Variants in DNAH5 observed in about 807,000 individuals in gnomAD.
The protein encoded by DNAH5 is dynein axonemal heavy chain 5, also known as axonemal beta dynein heavy chain 5.
In DNAH5, 372 loss-of-function variants were observed where a neutral mutation model predicts 518.2. The ratio of observed to expected loss-of-function variants is 0.72; its 90% confidence interval spans 0.66 to 0.78. The LOEUF is 0.78. Ranked by LOEUF, DNAH5 falls within the 30% of genes least tolerant of loss-of-function variation. DNAH5 has a pLI of 0.00. For synonymous variants in DNAH5, 2,039 were observed against 2,025.9 expected (o/e 1.01, Z -0.17); for missense variants, 5,523 against 5,687.0 (o/e 0.97, Z 0.93).
intron 52 of DNAH5, among the ~76,000 whole-genome samples, 155 bp from the exon 53 acceptor site, chr5:13,781,114 C>T (rs1561242055): frequency 6.6e-6 from 1 of 152,128 alleles, no homozygotes; most frequent in Non-Finnish European, 1.5e-5. Context: ...GGAATGAGGG[C>T]ATTTCTGAAA....
chr5:13,717,094 G>A (rs1188196263), intron 73 of DNAH5, among the ~76,000 whole-genome samples: 1 of 152,100 alleles, frequency 6.6e-6, no homozygotes, highest in Non-Finnish European at 1.5e-5. Flanking sequence ...GTCTTCTTTG[G>A]AATGTCAACT....
At chr5:13,724,057 T>A (rs1159907118) in intron 70 of DNAH5, among the ~76,000 whole-genome samples, 1 of 152,246 alleles carries the variant, frequency 6.6e-6, no homozygotes, top group East Asian at 1.9e-4. Flanking sequence ...GCGGTAGGCA[T>A]GGATCTGAAA....
rs1020511618 is a variant in DNAH5 at position 13,753,556 on chromosome 5, T to C, written c.10556-7A>G. 11 of 1,610,220 alleles carry C rather than the reference T, an allele frequency of 6.8e-6. No individual in the cohort carries two copies. The highest frequency in any genetic ancestry group is 2.2e-5 in the East Asian group (1 of 44,826). On this transcript the variant is annotated splice_polypyrimidine_tract_variant and splice_region_variant and intron_variant, in intron 62 of 78. Coordinates refer to ENST00000265104, the MANE Select transcript of DNAH5 (RefSeq NM_001369.3). ...GTAGCCAACAGTACATCCCCTAAAA[T>C]AGAAAACAAACACCATTGAAATACT...
intron 1 of DNAH5, among the ~76,000 whole-genome samples, chr5:13,953,514 T>C (rs1280690138): frequency 2.0e-5 from 3 of 152,130 alleles, no homozygotes; most frequent in Non-Finnish European, 4.4e-5. Context: ...TTGAAGTAAA[T>C]TCCAAGTTGG....
intron 4 of DNAH5, 47 bp downstream of exon 4, chr5:13,923,233 G>T (rs1416868288): frequency 1.2e-6 from 2 of 1,606,240 alleles, no homozygotes; most frequent in Non-Finnish European, 1.7e-6. Context: ...TGTGCAAGTT[G>T]TGTGTTTTTT....
chr5:13,948,047 A>G (rs958362775), upstream of DNAH5, among the ~76,000 whole-genome samples: 2 of 152,230 alleles, frequency 1.3e-5, no homozygotes, highest in African/African-American at 4.8e-5. Context: ...AAGTGGCACC[A>G]CAAGGCCACA....
At chr5:13,907,147 G>A (rs752593996) in intron 12 of DNAH5, among the ~76,000 whole-genome samples, 1 of 151,980 alleles carries the variant, frequency 6.6e-6, no homozygotes, top group Non-Finnish European at 1.5e-5. Flanking sequence ...CTAGCAGAAC[G>A]AGGCCAGGCA....
intron 40 of DNAH5, among the ~76,000 whole-genome samples, chr5:13,822,833 C>T (rs981515292): frequency 6.6e-6 from 1 of 152,056 alleles, no homozygotes; most frequent in African/African-American, 2.4e-5. Flanking sequence ...AGCAAGAAGC[C>T]ACAAGTACTG....
intron 1 of DNAH5, among the ~76,000 whole-genome samples, chr5:13,981,993 T>C (rs979859464): frequency 5.3e-5 from 8 of 152,216 alleles, no homozygotes; most frequent in African/African-American, 1.4e-4. Context: ...CAATAGGCTA[T>C]AGACAAATCA....
rs529774558 is a variant in DNAH5, at chr5:13,943,751, C to T, written c.57+631G>A. Among the ~76,000 whole-genome samples the T allele has an allele frequency of 2.0e-5, 3 of 152,266 alleles. No individual in the cohort carries two copies. The East Asian group carries it at 5.8e-4, about 29-fold the overall frequency. On this transcript the variant is annotated intron_variant, in intron 1 of 78. Transcript: ENST00000265104. The stretch of plus-strand genomic sequence containing the variant: ...TACACAAAAAGACACAGTGATCAAG[C>T]CCAGTAGGAAGCATGGGTTAATGGT...
chr5:13,841,433 TA>T lies in DNAH5; in HGVS notation c.5484+258del, dbSNP rs368195669. 7.6e-3 allele frequency among the ~76,000 whole-genome samples: 1,159 copies of T among 152,300 alleles called. 15 individuals are homozygous for T. The highest frequency in any genetic ancestry group is 0.026 in the African/African-American group (1,096 of 41,560). ...TACATTGTTACATCAAAAGATTGAT[TA>T]GGGAAAAAACCGTTTTAAATTAAAG... On this transcript the variant is annotated intron_variant, in intron 33 of 78. Transcript: ENST00000265104.
At chr5:13,904,412 ATT>A (rs1292360444) in intron 12 of DNAH5, among the ~76,000 whole-genome samples, 1 of 148,424 alleles carries the variant, frequency 6.7e-6, no homozygotes, top group African/African-American at 2.4e-5. Context: ...AGATATATAT[ATT>A]ATAGATATAT....
Position 13,859,551 on chromosome 5 carries a change from G to C in DNAH5, c.4851C>G (p.Asn1617Lys). 1 of 1,614,082 alleles carries C rather than the reference G, an allele frequency of 6.2e-7. No individual in the cohort carries two copies. Among genetic ancestry groups the C allele is most frequent in the South Asian group, 1.1e-5 (1 of 91,074 alleles). Reference sequence around the variant, plus strand: ...TCCAGCTCTCGATGATGTCTGTTGAGTTGGAAAGGTACTGCACCCATTTTT... The same window carrying C: ...TCCAGCTCTCGATGATGTCTGTTGACTTGGAAAGGTACTGCACCCATTTTT... ...QIQKWVQYLS[N>K]STDIIESWMT... Residue 1617 changes from asparagine to lysine, a missense_variant, in exon 30 of 79, where the codon AAC (asparagine) becomes AAG (lysine). This residue lies in a region of DNAH5 where 5,121 missense variants were observed against 5,223.3 expected (regional missense o/e 0.98). Transcript: ENST00000265104.
upstream of DNAH5, among the ~76,000 whole-genome samples, chr5:13,945,912 T>C (rs536777222): frequency 6.6e-6 from 1 of 152,208 alleles, no homozygotes; most frequent in South Asian, 2.1e-4. Context: ...CCCTGCAGGA[T>C]ATTTGTTGAA....
intron 31 of DNAH5, among the ~76,000 whole-genome samples, chr5:13,845,938 C>T (rs1765940939): frequency 6.8e-6 from 1 of 147,944 alleles, no homozygotes; most frequent in South Asian, 2.1e-4. Context: ...TCAAGTGTTT[C>T]TCCTGCTTCA....
chr5:13,942,918 AT>A (rs576455085), intron 1 of DNAH5, among the ~76,000 whole-genome samples: 6 of 151,998 alleles, frequency 3.9e-5, no homozygotes, highest in African/African-American at 9.7e-5. Context: ...TCACTGAATA[AT>A]TTTTTTTCTT....
chr5:13,940,812 T>C (rs2152024356), intron 1 of DNAH5, among the ~76,000 whole-genome samples: 1 of 152,338 alleles, frequency 6.6e-6, no homozygotes, highest in East Asian at 1.9e-4. Context: ...TTCTCCTTAC[T>C]AGACTTGTGC....
intron 66 of DNAH5, 93 bp from the exon 67 acceptor site, chr5:13,736,025 C>T (rs920308754): frequency 9.6e-6 from 10 of 1,038,942 alleles, no homozygotes; most frequent in South Asian, 1.3e-5. Context: ...ATGAAAACAA[C>T]AACTTTTATT....
Position 13,809,179 on chromosome 5 carries a change from C to T in DNAH5, c.7617G>A (p.Trp2539Ter). ...CCTGGGTACGCGTGTTCCAGTGCGT[C>T]CATGTACCTAAGGTGAGCAGAGGAC... ...FDYYVAPDGTWTHWNTRTQEY... is the reference protein window; with the variant it reads ...FDYYVAPDGT The change falls in exon 46 of 79, where the codon TGG becomes TGA. Residue 2539 changes from tryptophan to a stop codon, truncating the protein, a stop_gained. Coordinates refer to ENST00000265104, the MANE Select transcript of DNAH5 (RefSeq NM_001369.3). LOFTEE classifies it high-confidence loss of function. 2 of 1,614,072 alleles carry T rather than the reference C, an allele frequency of 1.2e-6. No homozygotes were observed. The highest frequency in any genetic ancestry group is 1.7e-6 in the Non-Finnish European group (2 of 1,179,994).
Sources: allele counts gnomAD v4.1 joint callset (sites outside exome capture counted in the v4.1 genomes callset), GRCh38; gene constraint gnomAD v4.1.1; regional missense constraint gnomAD v4.1.1; transcripts MANE v1.5; gene names NCBI Gene and HGNC (gene_info 2026-07-23, HGNC 2026-07-21).